DIAPH2: variants seen among roughly 807,000 people sequenced by gnomAD.
The protein encoded by DIAPH2 is diaphanous related formin 2.
DIAPH2 carries 35 observed loss-of-function variants against 92.7 expected under a neutral mutation model. The ratio of observed to expected loss-of-function variants is 0.38; its 90% CI spans 0.29 to 0.50. The LOEUF is 0.50. Among genes scored for constraint, DIAPH2 ranks in the 20% least tolerant of loss-of-function variants. The pLI is 0.94. For synonymous variants in DIAPH2, 301 were observed against 280.4 expected (o/e 1.07, Z -0.73); for missense variants, 701 against 819.5 (o/e 0.86, Z 1.77).
At chrX:96,873,638 G>A (rs903665945) in intron 4 of DIAPH2, among the ~76,000 whole-genome samples, 11 of 74,827 alleles carry the variant, frequency 1.5e-4, no homozygotes, top group South Asian at 6.1e-4. Context: ...ATAGAAATGC[G>A]TATATATATA....
At chrX:97,560,782 C>T (rs751909076) in intron 26 of DIAPH2, among the ~76,000 whole-genome samples, 22 of 112,858 alleles carry the variant, frequency 1.9e-4, no homozygotes, top group Non-Finnish European at 3.4e-4. Flanking sequence ...CGTGAGCCAC[C>T]GTGCCCAGCC....
At chrX:96,884,341 A>C in intron 5 of DIAPH2, 1 of 1,210,604 alleles carries the variant, frequency 8.3e-7, no homozygotes, top group Non-Finnish European at 1.1e-6. Context: ...GAGCTATGGC[A>C]GCATTTCTGC....
chrX:97,598,678 A>C (rs2071571325), intron 26 of DIAPH2, among the ~76,000 whole-genome samples: 1 of 111,649 alleles, frequency 9.0e-6, no homozygotes, highest in Non-Finnish European at 1.9e-5. Context: ...GGTGGTGGGA[A>C]TGGGACCTGG....
rs181367517 is a variant in DIAPH2, at chrX:96,929,792, T to G, written c.979-941T>G. On this transcript the variant is annotated intron_variant, in intron 9 of 26. Transcript: ENST00000324765. ...CTTGTAGTTTGCCCTTTGAGCACTC[T>G]TCTACTCATTGCATTCTTTAAAAAT... Among the ~76,000 whole-genome samples the G allele has an allele frequency of 1.0e-2, 1,104 of 110,820 alleles. 7 individuals are homozygous for G. The highest frequency in any genetic ancestry group is 0.015 in the Non-Finnish European group (807 of 52,617).
intron 22 of DIAPH2, among the ~76,000 whole-genome samples, chrX:97,214,450 G>C (rs1382556223): frequency 5.6e-5 from 6 of 106,978 alleles, no homozygotes; most frequent in African/African-American, 2.1e-4. Context: ...GCCTGGACAA[G>C]AGATCTCATC....
Position 96,955,178 on chromosome X carries a change from T to G in DIAPH2, c.1615-2650T>G, listed in dbSNP as rs1447165368. On this transcript the variant is annotated intron_variant, in intron 15 of 26. Transcript: ENST00000324765. ...CAGAGCTGGCGAGGCCTCAGGAAACTTACAATCATGGTGGAAGGGGAAGCA... is the reference window on the plus strand; with the variant it reads ...CAGAGCTGGCGAGGCCTCAGGAAACGTACAATCATGGTGGAAGGGGAAGCA... Among the ~76,000 whole-genome samples the G allele has an allele frequency of 3.6e-5, 4 of 111,388 alleles. No individual in the cohort carries two copies. The East Asian group carries it at 1.1e-3, about 32-fold the overall frequency.
intron 23 of DIAPH2, among the ~76,000 whole-genome samples, chrX:97,278,793 A>G (rs1253341974): frequency 8.9e-6 from 1 of 112,196 alleles, no homozygotes; most frequent in Admixed American, 9.5e-5. Flanking sequence ...AGTACAATAC[A>G]CTGTTATAAG....
chrX:96,822,124 T>C (rs2064782370), intron 4 of DIAPH2, among the ~76,000 whole-genome samples: 1 of 111,126 alleles, frequency 9.0e-6, no homozygotes, highest in South Asian at 3.7e-4. Flanking sequence ...AGATTACATA[T>C]AGAATATAAA....
intron 22 of DIAPH2, among the ~76,000 whole-genome samples, chrX:97,220,501 C>A (rs2067916309): frequency 8.9e-6 from 1 of 111,811 alleles, no homozygotes; most frequent in African/African-American, 3.3e-5. Flanking sequence ...CCACCATCTG[C>A]TCCCCCACCA....
intron 9 of DIAPH2, among the ~76,000 whole-genome samples, chrX:96,924,665 A>G (rs965940399): frequency 1.3e-3 from 147 of 111,323 alleles, no homozygotes; most frequent in African/African-American, 4.7e-3. Context: ...GGTTTAATTG[A>G]CTCACAGTTC....
At chrX:96,867,485 G>A (rs868607452) in intron 4 of DIAPH2, among the ~76,000 whole-genome samples, 6 of 111,616 alleles carry the variant, frequency 5.4e-5, no homozygotes, top group Middle Eastern at 9.1e-3. Context: ...CTCCCAAAGT[G>A]TTGAGATTAC....
chrX:97,378,387 A>G (rs1438240309), intron 24 of DIAPH2, among the ~76,000 whole-genome samples: 1 of 110,178 alleles, frequency 9.1e-6, no homozygotes, highest in Non-Finnish European at 1.9e-5. Context: ...CGTCTCAAAA[A>G]AAAAAAAAAA....
chrX:97,240,547 A>C (rs150592535), intron 22 of DIAPH2, among the ~76,000 whole-genome samples: 3,577 of 106,646 alleles, frequency 0.034, 63 homozygotes, highest in Admixed American at 0.045. Context: ...CAGAGCTTGT[A>C]GTGAGCCGAG....
chrX:97,279,327 GA>G (rs1258250034), intron 23 of DIAPH2, among the ~76,000 whole-genome samples: 1 of 57,581 alleles, frequency 1.7e-5, no homozygotes, highest in East Asian at 5.5e-4. Flanking sequence ...TTTTTTTTTT[GA>G]GTCTTGCTCT....
intron 22 of DIAPH2, among the ~76,000 whole-genome samples, chrX:97,239,794 C>T (rs576644555): frequency 1.8e-5 from 2 of 109,351 alleles, no homozygotes; most frequent in African/African-American, 6.6e-5. Flanking sequence ...ATATTCTTGG[C>T]ACTACAGGTA....
chrX:97,001,009 G>A (rs1227480447), intron 17 of DIAPH2, among the ~76,000 whole-genome samples: 1 of 112,161 alleles, frequency 8.9e-6, no homozygotes, highest in Non-Finnish European at 1.9e-5. Context: ...CCTGATACCA[G>A]CTTTGAGAAT....
chrX:97,229,714 C>T (rs765452228), intron 22 of DIAPH2, among the ~76,000 whole-genome samples: 1 of 107,454 alleles, frequency 9.3e-6, no homozygotes, highest in East Asian at 2.9e-4. Context: ...GAAGACCATT[C>T]CTCAAATAAA....
intron 26 of DIAPH2, among the ~76,000 whole-genome samples, chrX:97,526,442 G>A (rs2071024653): frequency 9.3e-6 from 1 of 107,394 alleles, no homozygotes; most frequent in African/African-American, 3.4e-5. Context: ...ATTGTGGTCA[G>A]GCCATATGAG....
intron 26 of DIAPH2, among the ~76,000 whole-genome samples, chrX:97,510,742 C>G (rs2070882579): frequency 1.1e-5 from 1 of 95,173 alleles, no homozygotes; most frequent in Non-Finnish European, 2.1e-5. Context: ...AGCCAGTTTT[C>G]CCAGCACCAT....
Sources: gnomAD v4.1 joint callset for allele counts (sites outside exome capture counted in the v4.1 genomes callset) on GRCh38, gnomAD v4.1.1 for gene constraint, MANE v1.5 for transcripts, NCBI Gene and HGNC (gene_info 2026-07-23, HGNC 2026-07-21) for gene names.